Variants in TTC17 observed in about 807,000 individuals in gnomAD.
TTC17 encodes tetratricopeptide repeat protein 17.
In TTC17, 58 loss-of-function variants were observed where a neutral mutation model predicts 143.8. That is an observed-to-expected ratio of 0.40 (90% CI 0.33 to 0.50). TTC17 has a LOEUF of 0.50. TTC17 is among the 20% of genes least tolerant of loss of function. TTC17 has a pLI of 0.49. For synonymous variants in TTC17, 501 were observed against 497.8 expected (o/e 1.01, Z -0.09); for missense variants, 1,273 against 1,392.5 (o/e 0.91, Z 1.37).
intron 5 of TTC17, among the ~76,000 whole-genome samples, chr11:43,392,574 T>G (rs1370990654): frequency 2.0e-5 from 3 of 152,184 alleles, no homozygotes; most frequent in African/African-American, 7.2e-5. Flanking sequence ...TTGTATACAG[T>G]TTTTTCAAAT....
rs922553932 is a variant in TTC17, at chr11:43,456,174, A to G, written c.3030+4909A>G. On this transcript the variant is annotated intron_variant, in intron 21 of 23. Coordinates refer to ENST00000039989, the MANE Select transcript of TTC17 (RefSeq NM_018259.6). ...CCTAAGAATTGATACTTTTCTTAGC[A>G]CAATAACACACACACACACACACAC... Among the ~76,000 whole-genome samples, 12 of 132,142 alleles carry G rather than the reference A, an allele frequency of 9.1e-5. No individual in the cohort carries two copies. In the East Asian group the frequency reaches 2.6e-3, roughly 29 times the overall value. 86.7% of individuals were successfully genotyped at this position (132,142 alleles called of 152,430 possible).
intron 1 of TTC17, among the ~76,000 whole-genome samples, chr11:43,376,421 T>C (rs1856766313): frequency 6.6e-6 from 1 of 152,222 alleles, no homozygotes; most frequent in South Asian, 2.1e-4. Flanking sequence ...TAAGTGAAAA[T>C]GATTATAATT....
At chr11:43,432,867 A>C (rs1947190431) in intron 16 of TTC17, among the ~76,000 whole-genome samples, 1 of 152,180 alleles carries the variant, frequency 6.6e-6, no homozygotes, top group Non-Finnish European at 1.5e-5. Flanking sequence ...GAAATACTTC[A>C]CCTACCCTTA....
chr11:43,447,188 C>G (rs995675180), intron 18 of TTC17, among the ~76,000 whole-genome samples: 1 of 151,548 alleles, frequency 6.6e-6, no homozygotes, highest in Admixed American at 6.6e-5. Context: ...CTGTCTCTAA[C>G]TTAAAAAAAG....
At chr11:43,388,039 A>G (rs1187354695) in intron 2 of TTC17, among the ~76,000 whole-genome samples, 2 of 152,252 alleles carry the variant, frequency 1.3e-5, no homozygotes, top group African/African-American at 4.8e-5. Flanking sequence ...TGACACGTCT[A>G]TATAAAACTG....
intron 1 of TTC17, among the ~76,000 whole-genome samples, chr11:43,375,276 C>G (rs1191324708): frequency 6.6e-6 from 1 of 152,128 alleles, no homozygotes; most frequent in East Asian, 1.9e-4. Flanking sequence ...AAGAAATTCT[C>G]TGACAACGGC....
chr11:43,375,351 TA>T (rs1257505876), intron 1 of TTC17, among the ~76,000 whole-genome samples: 4 of 152,186 alleles, frequency 2.6e-5, no homozygotes, highest in Non-Finnish European at 5.9e-5. Flanking sequence ...GGATATTGGA[TA>T]GCAAACACTA....
chr11:43,489,467 G>A (rs546239626), intron 21 of TTC17, among the ~76,000 whole-genome samples: 1 of 152,298 alleles, frequency 6.6e-6, no homozygotes, highest in Admixed American at 6.5e-5. Context: ...GGTGGGCATG[G>A]TGGCTTATGC....
chr11:43,453,728 C>T (rs1220305877), intron 21 of TTC17, among the ~76,000 whole-genome samples: 12 of 152,230 alleles, frequency 7.9e-5, no homozygotes, highest in Middle Eastern at 3.4e-3. Context: ...AAGACAGTAT[C>T]GTATGTTATG....
intron 21 of TTC17, among the ~76,000 whole-genome samples, chr11:43,467,249 GT>G (rs1947992368): frequency 1.3e-5 from 2 of 152,180 alleles, no homozygotes; most frequent in South Asian, 4.1e-4. Context: ...ACCATTCACA[GT>G]AGCCAAGAGG....
chr11:43,418,872 A>G (rs1946837605), intron 16 of TTC17, among the ~76,000 whole-genome samples: 1 of 152,224 alleles, frequency 6.6e-6, no homozygotes, highest in Non-Finnish European at 1.5e-5. Context: ...TATTTTTGAA[A>G]TACTAATCTG....
chr11:43,444,355 T>G, intron 18 of TTC17, 146 bp downstream of exon 18: 1 of 702,012 alleles, frequency 1.4e-6, no homozygotes, highest in Non-Finnish European at 2.1e-6. Context: ...ATCTTCTGTA[T>G]CAATGAAAAA....
intron 16 of TTC17, among the ~76,000 whole-genome samples, chr11:43,438,478 G>T (rs1386160287): frequency 1.3e-5 from 2 of 152,166 alleles, no homozygotes; most frequent in African/African-American, 4.8e-5. Context: ...AATCAAGTTT[G>T]TCTAATTCCT....
chr11:43,444,639 T>A (rs929311739), intron 18 of TTC17: 14 of 154,352 alleles, frequency 9.1e-5, no homozygotes, highest in African/African-American at 3.4e-4. Flanking sequence ...CAATATCATT[T>A]AAAGAGCACC....
In TTC17 at chr11:43,391,530, A is replaced by G. The variant is rs756574826; in HGVS notation, c.485A>G (p.Lys162Arg). ...PPDPEQPDCT[K>R]ILELPYSIHA... ...GACCCAGAGCAACCTGATTGTACTA[A>G]AATTCTAGAACTTCCATATAGTATA... Residue 162 changes from lysine to arginine, a missense_variant, in exon 4 of 24, where the codon AAA (lysine) becomes AGA (arginine). By Grantham distance (26) the Lys-to-Arg change is conservative (BLOSUM62 2). Coordinates refer to ENST00000039989, the MANE Select transcript of TTC17 (RefSeq NM_018259.6). 1.9e-6 allele frequency: 3 copies of G among 1,607,328 alleles called. No individual in the cohort carries two copies. Among genetic ancestry groups the G allele is most frequent in the Non-Finnish European group, 2.5e-6 (3 of 1,178,290 alleles).
Position 43,443,522 on chromosome 11 carries a change from G to A in TTC17, c.2449G>A (p.Gly817Arg). ...IRVLKKGPQD[G>R]VARSSCYGDC... The stretch of plus-strand genomic sequence containing the variant: ...GGTGCTGAAGAAAGGTCCCCAGGAT[G>A]GAGTGGCCAGAAGCTCTTGCTATGG... Residue 817 changes from glycine to arginine, a missense_variant, in exon 17 of 24, where the codon GGA becomes AGA. Physicochemically the swap from Gly to Arg is moderately radical, Grantham distance 125. Around this residue, in one of 3 missense-constraint regions of TTC17, gnomAD observed 878 missense variants for 899.8 expected, o/e 0.98. Transcript: ENST00000039989. 6.2e-7 allele frequency: 1 copy of A among 1,614,150 alleles called. No individual in the cohort carries two copies. The highest frequency in any genetic ancestry group is 8.5e-7 in the Non-Finnish European group (1 of 1,180,010).
intron 11 of TTC17, among the ~76,000 whole-genome samples, chr11:43,404,924 C>T (rs1858042976): frequency 6.6e-6 from 1 of 151,956 alleles, no homozygotes; most frequent in Non-Finnish European, 1.5e-5. Context: ...TGTTCAATGC[C>T]AGGTTTTATA....
intron 21 of TTC17, among the ~76,000 whole-genome samples, chr11:43,485,924 G>A (rs376942534): frequency 3.3e-4 from 49 of 146,748 alleles, no homozygotes; most frequent in African/African-American, 1.1e-3. Flanking sequence ...ATATCCCGTG[G>A]CCCAGAAATT....
chr11:43,395,473 A>G (rs940428391), intron 5 of TTC17: 1 of 152,212 alleles, frequency 6.6e-6, no homozygotes, highest in African/African-American at 2.4e-5. Flanking sequence ...GAAAATCAAA[A>G]TGAAAGCATT....
Sources: allele counts gnomAD v4.1 joint callset (sites outside exome capture counted in the v4.1 genomes callset), GRCh38; gene constraint gnomAD v4.1.1; regional missense constraint gnomAD v4.1.1; transcripts MANE v1.5; gene names NCBI Gene and HGNC (gene_info 2026-07-23, HGNC 2026-07-21).